The following PDIA2 variants were observed in gnomAD, a reference collection of about 807,000 sequenced individuals.
The protein encoded by PDIA2 is protein disulfide-isomerase A2.
In PDIA2, 76 loss-of-function variants were observed where a neutral mutation model predicts 51.1. That is an observed-to-expected ratio of 1.49 (90% CI 1.24 to 1.80). The LOEUF is 1.80. Ranked by LOEUF, PDIA2 falls within the 40% of genes most tolerant of loss-of-function variation. The pLI, the probability that PDIA2 is intolerant of heterozygous loss-of-function variation, is 0.00. For missense variants in PDIA2, 946 were observed against 706.5 expected, an observed-to-expected ratio of 1.34 and a Z score of -3.84; for synonymous variants, 429 against 309.9, an observed-to-expected ratio of 1.38 and a Z score of -4.04.
chr16:283,202 G>A lies in PDIA2; in HGVS notation c.33G>A (p.Leu11=), dbSNP rs2052307838. MSRQLLPVLL[L]LLLRASCPWG... The stretch of plus-strand genomic sequence containing the variant: ...GCCAGCTTCTGCCTGTACTGCTGCT[G>A]CTGCTGCTCAGGGCTTCGTGCCCAT... Residue 11 remains leucine (L), a synonymous_variant, in exon 1 of 11, where the codon CTG becomes CTA. Transcript: ENST00000219406. 1 of 1,601,296 alleles carries A rather than the reference G, an allele frequency of 6.2e-7. No homozygotes were observed. Among genetic ancestry groups the A allele is most frequent in the Non-Finnish European group, 8.5e-7 (1 of 1,174,080 alleles).
chr16:285,454 G>A lies in PDIA2; in HGVS notation c.921+17G>A. 6.2e-7 allele frequency: 1 copy of A among 1,611,336 alleles called. No homozygotes were observed. Among genetic ancestry groups the A allele is most frequent in the Non-Finnish European group, 8.5e-7 (1 of 1,179,632 alleles). On this transcript the variant is annotated intron_variant, in intron 6 of 10. Coordinates refer to ENST00000219406, the MANE Select transcript of PDIA2 (RefSeq NM_006849.4). ...CGGGGGCAGGTACTGGGGGGCTGGG[G>A]GAAAGGGGCAGCGGGAGAGTGGCCG...
In PDIA2 at chr16:284,935, A is replaced by G. The variant is rs182786959; in HGVS notation, c.598A>G (p.Met200Val). 1.1e-4 allele frequency: 179 copies of G among 1,613,134 alleles called. No individual in the cohort carries two copies. In the African/African-American group the frequency reaches 1.9e-3, roughly 18 times the overall value. ...FLALAQDALDMTFGLTDRPRL... is the reference protein window; with the variant it reads ...FLALAQDALDVTFGLTDRPRL... Reference sequence around the variant, plus strand: ...GGCCTTGGCCCAGGACGCCCTGGACATGACCTTTGGCCTCACAGACCGGCC... The same window carrying G: ...GGCCTTGGCCCAGGACGCCCTGGACGTGACCTTTGGCCTCACAGACCGGCC... The change falls in exon 4 of 11, where the codon ATG becomes GTG. Residue 200 changes from methionine to valine, a missense_variant. Physicochemically the swap from Met to Val is conservative, Grantham distance 21. Coordinates refer to ENST00000219406, the MANE Select transcript of PDIA2 (RefSeq NM_006849.4).
chr16:286,846 C>A lies in PDIA2; in HGVS notation c.1434C>A (p.Tyr478Ter). ...CTGCCTCTTCTCAGGTGATTGAATA[C>A]AAAAGCACCAGGGACCTGGAGACTT... ...PAGPGRKVIE[Y>*]KSTRDLETFS... Residue 478 changes from tyrosine (Y) to a stop codon, truncating the protein, a stop_gained, in exon 10 of 11, where the codon TAC becomes TAA. Coordinates refer to ENST00000219406, the MANE Select transcript of PDIA2 (RefSeq NM_006849.4). LOFTEE classifies it high-confidence loss of function. 1.2e-6 allele frequency: 2 copies of A among 1,610,390 alleles called. No homozygotes were observed. The highest frequency in any genetic ancestry group is 1.7e-5 in the Admixed American group (1 of 59,452).
rs1401283462 is a variant in PDIA2, at chr16:284,711, C to T, written c.459C>T (p.Pro153=). The T allele has an allele frequency of 5.1e-6, 8 of 1,575,304 alleles. No individual in the cohort carries two copies. The highest frequency in any genetic ancestry group is 6.9e-6 in the Non-Finnish European group (8 of 1,165,968). ...IAEWLRRRVG[P]SAMRLEDEAA... Reference sequence around the variant, plus strand: ...AGTGGCTGCGACGGCGGGTGGGGCCCAGTGCCATGCGGCTGGAGGACGAGG... The same window carrying T: ...AGTGGCTGCGACGGCGGGTGGGGCCTAGTGCCATGCGGCTGGAGGACGAGG... The change falls in exon 3 of 11, where the codon CCC becomes CCT. Residue 153 remains proline (P), a synonymous_variant. Transcript: ENST00000219406.
intron 1 of PDIA2, chr16:284,080 C>T (rs2052321400): frequency 6.6e-6 from 3 of 453,074 alleles, no homozygotes; most frequent in African/African-American, 2.0e-5. Flanking sequence ...GTTGGTCAGG[C>T]TGGTCTCGAA....
Position 286,373 on chromosome 16 carries a change from G to A in PDIA2, c.1140G>A (p.Glu380=), listed in dbSNP as rs1034667976. The A allele has an allele frequency of 2.6e-5, 42 of 1,609,494 alleles. No homozygotes were observed. In the Admixed American group the frequency reaches 5.9e-4, roughly 22 times the overall value. ...GQVKPYLLSQ[E]IPPDWDQRPV... ...CCCAGCCCTATCTCCTGAGCCAGGA[G>A]ATACCCCCTGATTGGGATCAGCGGC... The change falls in exon 8 of 11, where the codon GAG becomes GAA. Residue 380 remains glutamate (E), a synonymous_variant. Transcript: ENST00000219406.
rs2052387240 is a variant in PDIA2, at chr16:286,722, G to T, written c.1409G>T (p.Gly470Val). ...CCTACTCTCAAGTACTTCCCAGCAG[G>T]GCCAGGTCGGAAGGTATGGCGGACA... is the stretch of plus-strand genomic sequence containing the variant. The part of the protein sequence containing the change: ...GFPTLKYFPA[G>V]PGRKVIEYKS... The change falls in exon 9 of 11, where the codon GGG becomes GTG. Residue 470 changes from glycine (G) to valine (V), a missense_variant. Physicochemically the swap from Gly to Val is moderately radical, Grantham distance 109. Transcript: ENST00000219406. 1.2e-6 allele frequency: 2 copies of T among 1,612,868 alleles called. No homozygotes were observed. Among genetic ancestry groups the T allele is most frequent in the East Asian group, 4.5e-5 (2 of 44,870 alleles).
intron 5 of PDIA2, 46 bp downstream of exon 5, chr16:285,246 T>TC: frequency 6.2e-7 from 1 of 1,611,420 alleles, no homozygotes; most frequent in Non-Finnish European, 8.5e-7. Context: ...CAGGGTAGAG[T>TC]CGTCCAGGGA....
chr16:283,759 C>T (rs939808849), intron 1 of PDIA2, among the ~76,000 whole-genome samples: 10 of 152,220 alleles, frequency 6.6e-5, no homozygotes, highest in Non-Finnish European at 1.3e-4. Flanking sequence ...GTGGTCTTTT[C>T]GCAACCCTTG....
intron 1 of PDIA2, 34 bp downstream of exon 1, chr16:283,402 C>G: frequency 6.5e-7 from 1 of 1,531,714 alleles, no homozygotes; most frequent in Non-Finnish European, 8.8e-7. Context: ...TGGGGACCGG[C>G]GGGGGACCGG....
Position 287,049 on chromosome 16 carries a change from G to C in PDIA2, c.1534-20G>C, listed in dbSNP as rs1218769051. ...TAGGCTGGGAGCAGAGCTTCGAGCT[G>C]CACTTGTGACCCTTTCTAGGAGCCA... On this transcript the variant is annotated intron_variant, in intron 10 of 10. Coordinates refer to ENST00000219406, the MANE Select transcript of PDIA2 (RefSeq NM_006849.4). 6.2e-7 allele frequency: 1 copy of C among 1,612,762 alleles called. No homozygotes were observed. Among genetic ancestry groups the C allele is most frequent in the South Asian group, 1.1e-5 (1 of 91,086 alleles).
chr16:283,444 G>A (rs1036464299), intron 1 of PDIA2, 76 bp downstream of exon 1: 162 of 1,420,520 alleles, frequency 1.1e-4, no homozygotes, highest in African/African-American at 9.3e-4. Flanking sequence ...ACCCTTTGCC[G>A]GCAAATGCAG....
chr16:286,796 G>A, intron 9 of PDIA2, 39 bp from the exon 10 acceptor site: 1 of 1,611,684 alleles, frequency 6.2e-7, no homozygotes, highest in Non-Finnish European at 8.5e-7. Flanking sequence ...CATGGGGCTG[G>A]GCCCCACGTG....
At position 283,269 on chromosome 16, in the gene PDIA2, C is replaced by G. The variant is rs1253905972; in HGVS notation, c.100C>G (p.Pro34Ala). Residue 34 changes from proline to alanine, a missense_variant, in exon 1 of 11, where the codon CCA (proline) becomes GCA (alanine). Physicochemically the swap from Pro to Ala is conservative, Grantham distance 27 (BLOSUM62 -1). Coordinates refer to ENST00000219406, the MANE Select transcript of PDIA2 (RefSeq NM_006849.4). ...AGCGAGGAGCCCCTCGGAGGAGCCTCCAGAGGAGGAAATCCCCAAGGAGGA... is the reference window on the plus strand; with the variant it reads ...AGCGAGGAGCCCCTCGGAGGAGCCTGCAGAGGAGGAAATCCCCAAGGAGGA... ...QGARSPSEEP[P>A]EEEIPKEDGI... 1.2e-6 allele frequency: 2 copies of G among 1,611,134 alleles called. No individual in the cohort carries two copies. The highest frequency in any genetic ancestry group is 8.5e-7 in the Non-Finnish European group (1 of 1,179,234).
Position 283,292 on chromosome 16 carries a change from G to A in PDIA2, c.123G>A (p.Glu41=). The A allele has an allele frequency of 6.2e-7, 1 of 1,610,622 alleles. No homozygotes were observed. The highest frequency in any genetic ancestry group is 8.5e-7 in the Non-Finnish European group (1 of 1,179,052). Residue 41 remains glutamate (E), a synonymous_variant, in exon 1 of 11, where the codon GAG becomes GAA. Coordinates refer to ENST00000219406, the MANE Select transcript of PDIA2 (RefSeq NM_006849.4). ...EEPPEEEIPK[E]DGILVLSRHT... ...CTCCAGAGGAGGAAATCCCCAAGGA[G>A]GATGGGATCTTGGTGCTGAGCCGCC...
chr16:286,937 C>A lies in PDIA2; in HGVS notation c.1525C>A (p.Pro509Thr), dbSNP rs1179594893. 6.3e-7 allele frequency: 1 copy of A among 1,599,852 alleles called. No homozygotes were observed. The highest frequency in any genetic ancestry group is 8.5e-7 in the Non-Finnish European group (1 of 1,174,612). Residue 509 changes from proline (P) to threonine (T), a missense_variant, in exon 10 of 11, where the codon CCG becomes ACG. By Grantham distance (38) the Pro-to-Thr change is conservative. Transcript: ENST00000219406. ...GGAGCCCCCGGAGGAGCCAGCAGCC[C>A]CGTTCCCGGTGGGTGTCCCTAAGCC... ...TEEPPEEPAA[P>T]FPEPPANSTM...
intron 7 of PDIA2, 145 bp downstream of exon 7, chr16:285,848 G>GGCGGTTCTCCCAACCCCAAACCC: frequency 1.1e-6 from 1 of 892,674 alleles, no homozygotes; most frequent in South Asian, 1.7e-5. Context: ...CTCCCAACCC[G>GGCGGTTCTCCCAACCCCAAACCC]GCGGTTCTCC....
intron 3 of PDIA2, 22 bp downstream of exon 3, chr16:284,814 G>A (rs768442940): frequency 7.5e-6 from 12 of 1,589,478 alleles, no homozygotes; most frequent in East Asian, 4.5e-5. Flanking sequence ...GGCATGGGGG[G>A]CCGGGCCATG....
In PDIA2 at chr16:286,438, CTT is replaced by C. The variant is rs769475828; in HGVS notation, c.1208_1209del (p.Phe403Ter). 2.5e-5 allele frequency: 41 copies of C among 1,612,994 alleles called. No homozygotes were observed. The highest frequency in any genetic ancestry group is 3.5e-5 in the Non-Finnish European group (41 of 1,179,886). On this transcript the variant is annotated frameshift_variant, in exon 8 of 11. Coordinates refer to ENST00000219406, the MANE Select transcript of PDIA2 (RefSeq NM_006849.4). LOFTEE classifies it high-confidence loss of function. ...GTGGGCAAGAATTTTGAGCAGGTGG[CTT>C]TTGACGAAACCAAGAATGTGTTTGT...
Sources: gnomAD v4.1 joint callset for allele counts (sites outside exome capture counted in the v4.1 genomes callset) on GRCh38, gnomAD v4.1.1 for gene constraint, MANE v1.5 for transcripts, NCBI Gene and HGNC (gene_info 2026-07-23, HGNC 2026-07-21) for gene names.